Variants in SERINC5 observed in about 807,000 individuals in gnomAD.
SERINC5 encodes the protein chromosome 5 open reading frame 12.
Under a neutral mutation model 63.1 loss-of-function variants are expected in SERINC5, and 41 were observed. The ratio of observed to expected loss-of-function variants is 0.65; its 90% CI spans 0.51 to 0.84. The LOEUF (loss-of-function observed/expected upper bound fraction) is 0.84. SERINC5 is among the 40% of genes least tolerant of loss of function. The pLI is 0.00. For missense variants in SERINC5, 523 were observed against 573.0 expected, an observed-to-expected ratio of 0.91 and a Z score of 0.89; for synonymous variants, 222 against 215.2, an observed-to-expected ratio of 1.03 and a Z score of -0.28.
chr5:80,210,275 G>A (rs1337154281), intron 1 of SERINC5, among the ~76,000 whole-genome samples: 4 of 152,108 alleles, frequency 2.6e-5, no homozygotes, highest in Non-Finnish European at 4.4e-5. Flanking sequence ...CCTTGCCGGG[G>A]CAAAGAATCA....
At chr5:80,201,830 C>G (rs917357972) in intron 2 of SERINC5, among the ~76,000 whole-genome samples, 1 of 152,222 alleles carries the variant, frequency 6.6e-6, no homozygotes, top group African/African-American at 2.4e-5. Context: ...TACAAGTAAC[C>G]TGTCCAGAAA....
Position 80,140,277 on chromosome 5 carries a change from A to C in SERINC5, c.*3386T>G. On this transcript the variant is annotated 3_prime_UTR_variant, in exon 12 of 12. Coordinates refer to ENST00000507668, the MANE Select transcript of SERINC5 (RefSeq NM_001174072.3). ...AGTCAAGATCATGTCACTGCACTCC[A>C]GCGTGGCTGACAGAGTGAGCCCGTC... 1.1e-6 allele frequency: 1 copy of C among 929,958 alleles called. No homozygotes were observed. Among genetic ancestry groups the C allele is most frequent in the Non-Finnish European group, 1.2e-6 (1 of 800,234 alleles). The allele number at this position is 929,958 out of a possible 1,614,324, so 57.6% of individuals were successfully genotyped here. A position where few individuals can be genotyped will look rare whatever the true frequency, so the allele number is the denominator to read the frequency against.
chr5:80,248,383 T>C (rs1715448456), intron 1 of SERINC5, among the ~76,000 whole-genome samples: 1 of 152,088 alleles, frequency 6.6e-6, no homozygotes, highest in African/African-American at 2.4e-5. Flanking sequence ...GGAGCATAGG[T>C]AGACAGCTAG....
chr5:80,212,771 C>T (rs778985538), intron 1 of SERINC5, among the ~76,000 whole-genome samples: 15 of 151,852 alleles, frequency 9.9e-5, no homozygotes, highest in Non-Finnish European at 1.9e-4. Flanking sequence ...GCTAGAAGAA[C>T]GAGCACAAAA....
chr5:80,149,023 C>T (rs1242461225), intron 9 of SERINC5, among the ~76,000 whole-genome samples: 1 of 152,188 alleles, frequency 6.6e-6, no homozygotes, highest in Non-Finnish European at 1.5e-5. Flanking sequence ...CCATAAGAAA[C>T]TATGAACTCT....
chr5:80,119,150 T>C (rs544900137), intron 11 of SERINC5, among the ~76,000 whole-genome samples: 1 of 152,184 alleles, frequency 6.6e-6, no homozygotes, highest in Non-Finnish European at 1.5e-5. Context: ...AATAATGCTA[T>C]GTCCCGGGGT....
At chr5:80,189,401 C>A (rs1237040422) in intron 2 of SERINC5, among the ~76,000 whole-genome samples, 1 of 152,166 alleles carries the variant, frequency 6.6e-6, no homozygotes. Flanking sequence ...GTGAATAGGA[C>A]CCTCTGAGCC....
chr5:80,191,837 C>T (rs532898336), intron 2 of SERINC5, among the ~76,000 whole-genome samples: 51 of 152,232 alleles, frequency 3.4e-4, no homozygotes, highest in Non-Finnish European at 6.2e-4. Context: ...ACAGCCTAGT[C>T]AGTTACCTGC....
intron 7 of SERINC5, among the ~76,000 whole-genome samples, chr5:80,160,309 C>T (rs901877628): frequency 2.0e-5 from 3 of 152,162 alleles, no homozygotes; most frequent in African/African-American, 4.8e-5. Context: ...CTAAACACTA[C>T]GTAACAAAGA....
intron 1 of SERINC5, among the ~76,000 whole-genome samples, chr5:80,240,416 AT>A (rs1178701292): frequency 1.3e-5 from 2 of 152,224 alleles, no homozygotes; most frequent in Non-Finnish European, 2.9e-5. Context: ...ATAAAACTAT[AT>A]CATTTTTATT....
chr5:80,149,311 A>G (rs1040100786), intron 9 of SERINC5, among the ~76,000 whole-genome samples: 1 of 152,182 alleles, frequency 6.6e-6, no homozygotes, highest in Non-Finnish European at 1.5e-5. Context: ...TCTTCTCTAT[A>G]ATAGGCAGTA....
intron 4 of SERINC5, among the ~76,000 whole-genome samples, chr5:80,176,615 T>C (rs1748049352): frequency 6.6e-6 from 1 of 152,136 alleles, no homozygotes; most frequent in Admixed American, 6.5e-5. Context: ...TATTTTTTAG[T>C]AGAGATGAGG....
At chr5:80,120,351 G>C (rs1408026756) in intron 11 of SERINC5, among the ~76,000 whole-genome samples, 1 of 152,110 alleles carries the variant, frequency 6.6e-6, no homozygotes, top group Non-Finnish European at 1.5e-5. Flanking sequence ...TACATCACTT[G>C]GATGCAGGTG....
intron 9 of SERINC5, among the ~76,000 whole-genome samples, chr5:80,147,569 G>A (rs1745902301): frequency 1.3e-5 from 2 of 152,136 alleles, no homozygotes; most frequent in Admixed American, 6.5e-5. Context: ...GCCATGGAAT[G>A]GCTGATCATG....
intron 2 of SERINC5, among the ~76,000 whole-genome samples, chr5:80,190,035 A>C (rs191338664): frequency 6.6e-6 from 1 of 151,852 alleles, no homozygotes; most frequent in Non-Finnish European, 1.5e-5. Flanking sequence ...TTTCTTCTTA[A>C]ATGTGTGGAC....
At chr5:80,175,950 G>A (rs778607953) in intron 4 of SERINC5, among the ~76,000 whole-genome samples, 1 of 151,020 alleles carries the variant, frequency 6.6e-6, no homozygotes, top group Non-Finnish European at 1.5e-5. Context: ...GAGGCCAAGA[G>A]GGGGCGGATC....
intron 1 of SERINC5, among the ~76,000 whole-genome samples, chr5:80,249,415 G>A (rs1171830778): frequency 1.3e-5 from 2 of 152,132 alleles, no homozygotes; most frequent in African/African-American, 2.4e-5. Flanking sequence ...GTGGGTGCAT[G>A]TTAAAAAAAA....
At chr5:80,184,744 TG>T (rs1391462856) in intron 2 of SERINC5, among the ~76,000 whole-genome samples, 2 of 152,104 alleles carry the variant, frequency 1.3e-5, no homozygotes, top group African/African-American at 4.8e-5. Flanking sequence ...ACCCCATTTT[TG>T]GAAAAAGAAA....
chr5:80,134,123 G>A (rs745827482), downstream of SERINC5, among the ~76,000 whole-genome samples: 12 of 152,180 alleles, frequency 7.9e-5, no homozygotes, highest in Non-Finnish European at 1.2e-4. Flanking sequence ...GTCCTGCAAA[G>A]GCAGTTTATA....
Sources: allele counts gnomAD v4.1 joint callset (sites outside exome capture counted in the v4.1 genomes callset), GRCh38; gene constraint gnomAD v4.1.1; transcripts MANE v1.5; gene names NCBI Gene and HGNC (gene_info 2026-07-23, HGNC 2026-07-21).